ARHGEF10L: variants seen among roughly 807,000 people sequenced by gnomAD.
ARHGEF10L encodes rho guanine nucleotide exchange factor 10-like protein.
A neutral mutation model predicts 141.2 loss-of-function variants in ARHGEF10L; 69 were observed. That is an observed-to-expected ratio of 0.49 (90% CI 0.40 to 0.60). The LOEUF is 0.60. ARHGEF10L is among the 20% of genes least tolerant of loss of function. ARHGEF10L has a pLI of 0.00. For synonymous variants in ARHGEF10L, 711 were observed against 718.5 expected (o/e 0.99, Z 0.17); for missense variants, 1,482 against 1,734.3 (o/e 0.85, Z 2.58).
intron 4 of ARHGEF10L, among the ~76,000 whole-genome samples, chr1:17,594,641 C>T (rs1028863787): frequency 6.6e-6 from 1 of 152,148 alleles, no homozygotes; most frequent in Non-Finnish European, 1.5e-5. Context: ...CGCCACCATG[C>T]CCGGCTAATT....
chr1:17,553,565 T>G (rs2077193394), intron 1 of ARHGEF10L, among the ~76,000 whole-genome samples: 1 of 152,038 alleles, frequency 6.6e-6, no homozygotes, highest in Non-Finnish European at 1.5e-5. Context: ...GAGTGTCGCT[T>G]GAGCCCTGGA....
chr1:17,561,517 G>T (rs1225524305), intron 1 of ARHGEF10L, among the ~76,000 whole-genome samples: 3 of 152,198 alleles, frequency 2.0e-5, no homozygotes, highest in Admixed American at 6.5e-5. Flanking sequence ...CGCAGAGGGG[G>T]AGCCTCACAA....
chr1:17,654,509 C>A lies in ARHGEF10L; in HGVS notation c.2395-127C>A. 2 of 828,402 alleles carry A rather than the reference C, an allele frequency of 2.4e-6. No individual in the cohort carries two copies. The highest frequency in any genetic ancestry group is 4.2e-6 in the Non-Finnish European group (2 of 474,046). The allele number at this position is 828,402 out of a possible 1,614,324, so 51.3% of individuals were successfully genotyped here. On this transcript the variant is annotated intron_variant, in intron 22 of 28. Transcript: ENST00000361221. The surrounding 1 kb of genome is among the most constrained non-coding windows in gnomAD (Gnocchi z 4.3). ...AAGCAGGCACTCGTGAAGCATGTTGCTTTCCTGGCCCCCACCCACAGGGAT... is the reference window on the plus strand; with the variant it reads ...AAGCAGGCACTCGTGAAGCATGTTGATTTCCTGGCCCCCACCCACAGGGAT...
At chr1:17,605,906 C>T (rs1053096469) in intron 6 of ARHGEF10L, among the ~76,000 whole-genome samples, 1 of 152,230 alleles carries the variant, frequency 6.6e-6, no homozygotes, top group Non-Finnish European at 1.5e-5. Flanking sequence ...ACATTAGTTA[C>T]TATTATCTTT....
chr1:17,697,753 G>A lies in ARHGEF10L; in HGVS notation c.*373G>A. The A allele has an allele frequency of 2.1e-6, 1 of 465,820 alleles. No individual in the cohort carries two copies. Among genetic ancestry groups the A allele is most frequent in the Non-Finnish European group, 4.2e-6 (1 of 237,204 alleles). 28.9% of individuals were successfully genotyped at this position (465,820 alleles called of 1,614,324 possible). A position where few individuals can be genotyped will look rare whatever the true frequency, so the allele number is the denominator to read the frequency against. Reference sequence around the variant, plus strand: ...GTGAGTGTGTGCGAGTGTGTGGGCTGGTGTGTGAATATCTATAAATAAGTA... The same window carrying A: ...GTGAGTGTGTGCGAGTGTGTGGGCTAGTGTGTGAATATCTATAAATAAGTA... On this transcript the variant is annotated 3_prime_UTR_variant, in exon 29 of 29. Coordinates refer to ENST00000361221, the MANE Select transcript of ARHGEF10L (RefSeq NM_018125.4). This position sits in a 1 kb window ranked among gnomAD's most constrained non-coding sequence, Gnocchi z 4.8.
Position 17,595,666 on chromosome 1 carries a change from G to A in ARHGEF10L, c.258-6461G>A, listed in dbSNP as rs182892489. On this transcript the variant is annotated intron_variant, in intron 4 of 28. Coordinates refer to ENST00000361221, the MANE Select transcript of ARHGEF10L (RefSeq NM_018125.4). ...GAAGCCCTCTGTGCACAGGATGGGC[G>A]GCCACAGAGGGAAGAGGGAACACAT... Among the ~76,000 whole-genome samples the A allele has an allele frequency of 7.6e-3, 1,157 of 152,208 alleles. 13 individuals are homozygous for A. Among genetic ancestry groups the A allele is most frequent in the African/African-American group, 0.026 (1,059 of 41,520 alleles).
chr1:17,656,783 G>C lies in ARHGEF10L; in HGVS notation c.2860+75G>C, dbSNP rs1033443089. The C allele has an allele frequency of 6.0e-6, 9 of 1,505,300 alleles. No individual in the cohort carries two copies. The highest frequency in any genetic ancestry group is 8.1e-6 in the Non-Finnish European group (9 of 1,112,750). 93.2% of individuals were successfully genotyped at this position (1,505,300 alleles called of 1,614,324 possible). On this transcript the variant is annotated intron_variant, in intron 25 of 28. Coordinates refer to ENST00000361221, the MANE Select transcript of ARHGEF10L (RefSeq NM_018125.4). This position sits in a 1 kb window ranked among gnomAD's most constrained non-coding sequence, Gnocchi z 4.9. The stretch of plus-strand genomic sequence containing the variant: ...GGGTGCCAGATTCTCTACCAAGAGA[G>C]GATACAGGAGGCTGGGCAGGAATGA...
intron 21 of ARHGEF10L, among the ~76,000 whole-genome samples, chr1:17,640,912 T>A (rs1287760254): frequency 6.6e-6 from 1 of 152,250 alleles, no homozygotes; most frequent in African/African-American, 2.4e-5. Context: ...TTTGTGCATC[T>A]TTTTCATTTC....
intron 27 of ARHGEF10L, 79 bp from the exon 28 acceptor site, chr1:17,695,079 G>A (rs757230995): frequency 6.3e-7 from 1 of 1,595,584 alleles, no homozygotes. Context: ...GCTGTGCCAG[G>A]CCCTCATCTC....
rs542627040 is a variant in ARHGEF10L, at chr1:17,654,172, G to T, written c.2395-464G>T. Among the ~76,000 whole-genome samples the T allele has an allele frequency of 1.3e-5, 2 of 152,204 alleles. No homozygotes were observed. The highest frequency in any genetic ancestry group is 1.9e-4 in the East Asian group (1 of 5,184). On this transcript the variant is annotated intron_variant, in intron 22 of 28. Coordinates refer to ENST00000361221, the MANE Select transcript of ARHGEF10L (RefSeq NM_018125.4). The surrounding 1 kb of genome is among the most constrained non-coding windows in gnomAD (Gnocchi z 4.3). ...ATGGGGTCTGTGGCAGCTGATTCAG[G>T]GGGGAGCAGGCGGAAGGTGGTTACT...
chr1:17,599,400 C>T (rs1004777504), intron 4 of ARHGEF10L, among the ~76,000 whole-genome samples: 3 of 151,790 alleles, frequency 2.0e-5, no homozygotes, highest in African/African-American at 7.3e-5. Context: ...CAGTGCATGG[C>T]GGATGCTTTG....
the ARHGEF10L span, among the ~76,000 whole-genome samples, chr1:17,530,081 C>T: frequency 1.3e-5 from 2 of 152,112 alleles, no homozygotes; most frequent in African/African-American, 4.8e-5. Flanking sequence ...GATCCACTCA[C>T]TTCGGCATTC....
rs114123617 is a variant in ARHGEF10L at position 17,602,164 on chromosome 1, G to A, written c.295G>A (p.Ala99Thr). 4.5e-3 allele frequency: 7,133 copies of A among 1,583,340 alleles called. 268 individuals are homozygous for A. The African/African-American group carries it at 0.082, about 18-fold the overall frequency. ...GGTGAGCAATGGGGATGCAGCGGAC[G>A]CAGCCTTCTCCGGGGCCCGGCACTC... ...AWVSNGDAAD[A>T]AFSGARHSSW... Residue 99 changes from alanine (A) to threonine (T), a missense_variant, in exon 5 of 29, where the codon GCA becomes ACA. Around this residue, in one of 3 missense-constraint regions of ARHGEF10L, gnomAD observed 232 missense variants for 225.9 expected, o/e 1.03. Transcript: ENST00000361221.
chr1:17,696,991 C>T lies in ARHGEF10L; in HGVS notation c.3451C>T (p.Gln1151Ter). Residue 1151 changes from glutamine (Q) to a stop codon, truncating the protein, a stop_gained, in exon 29 of 29, where the codon CAG (glutamine) becomes TAG (stop). Transcript: ENST00000361221. LOFTEE classifies it high-confidence loss of function. Reference sequence around the variant, plus strand: ...GGCTGAGGAGGACAAGCCAGACGGGCAGGCACACGAGCCCATGCCCGATAG... The same window carrying T: ...GGCTGAGGAGGACAAGCCAGACGGGTAGGCACACGAGCCCATGCCCGATAG... ...PRAEEDKPDG[Q>*]AHEPMPDSHV... 1 of 1,610,222 alleles carries T rather than the reference C, an allele frequency of 6.2e-7. No individual in the cohort carries two copies. Among genetic ancestry groups the T allele is most frequent in the Non-Finnish European group, 8.5e-7 (1 of 1,178,308 alleles).
At chr1:17,541,108 C>G (rs547296914) in intron 1 of ARHGEF10L, among the ~76,000 whole-genome samples, 12 of 152,310 alleles carry the variant, frequency 7.9e-5, no homozygotes, top group Non-Finnish European at 1.3e-4. Context: ...GTGCCCGAAT[C>G]TGATGCTCGC....
chr1:17,545,159 A>G (rs1035796380), intron 1 of ARHGEF10L, among the ~76,000 whole-genome samples: 3 of 152,156 alleles, frequency 2.0e-5, no homozygotes, highest in African/African-American at 7.2e-5. Flanking sequence ...TCTCAACTCC[A>G]TTCAGTGATG....
the ARHGEF10L span, among the ~76,000 whole-genome samples, chr1:17,523,121 T>C: frequency 6.8e-6 from 1 of 146,496 alleles, no homozygotes; most frequent in East Asian, 2.0e-4. Flanking sequence ...AGTCTAGCTC[T>C]GTTGCCCAGA....
chr1:17,547,744 A>G (rs1406376077), intron 1 of ARHGEF10L, among the ~76,000 whole-genome samples: 1 of 152,244 alleles, frequency 6.6e-6, no homozygotes, highest in African/African-American at 2.4e-5. Flanking sequence ...TCGCATGACC[A>G]CTGAAGAAAA....
the ARHGEF10L span, among the ~76,000 whole-genome samples, chr1:17,515,725 C>T: frequency 6.6e-6 from 1 of 152,030 alleles, no homozygotes; most frequent in Non-Finnish European, 1.5e-5. Context: ...TTATTGCAAC[C>T]TATGCCTCCT....
Sources: gnomAD v4.1 joint callset for allele counts (sites outside exome capture counted in the v4.1 genomes callset) on GRCh38, gnomAD v4.1.1 for gene constraint, gnomAD v4.1.1 regional missense constraint, Gnocchi (gnomAD v3.1) non-coding constraint, MANE v1.5 for transcripts, NCBI Gene and HGNC (gene_info 2026-07-23, HGNC 2026-07-21) for gene names.